SORCS1: variants seen among roughly 807,000 people sequenced by gnomAD.
The protein encoded by SORCS1 is sortilin related VPS10 domain containing receptor 1.
A neutral mutation model predicts 146.1 loss-of-function variants in SORCS1; 60 were observed. That is an observed-to-expected ratio of 0.41 (90% CI 0.33 to 0.51). The LOEUF (loss-of-function observed/expected upper bound fraction) is 0.51, where lower values mean the gene tolerates loss of function less well. Among genes scored for constraint, SORCS1 ranks in the 20% least tolerant of loss-of-function variants. The probability of loss-of-function intolerance (pLI) is 0.21; values close to 1 mark genes in which losing one functional copy is unlikely to be tolerated. For missense variants in SORCS1, 1,352 were observed against 1,487.6 expected, an observed-to-expected ratio of 0.91 and a Z score of 1.50; for synonymous variants, 637 against 584.0, an observed-to-expected ratio of 1.09 and a Z score of -1.31.
At chr10:107,000,641 C>A (rs1464710599) in intron 1 of SORCS1, among the ~76,000 whole-genome samples, 1 of 151,398 alleles carries the variant, frequency 6.6e-6, no homozygotes, top group African/African-American at 2.4e-5. Context: ...TACCTCAAAC[C>A]TGAATTTCTG....
At chr10:106,594,685 G>A (rs1439978147) in intron 24 of SORCS1, among the ~76,000 whole-genome samples, 1 of 152,196 alleles carries the variant, frequency 6.6e-6, no homozygotes, top group Non-Finnish European at 1.5e-5. Context: ...AAAAGGCACT[G>A]TGTTCGGATA....
chr10:107,088,770 G>T (rs117234632), intron 1 of SORCS1, among the ~76,000 whole-genome samples: 1,617 of 152,126 alleles, frequency 0.011, 17 homozygotes, highest in Non-Finnish European at 0.012. Context: ...TAAATGGTAG[G>T]GCCTTAGAAT....
chr10:106,862,103 C>G (rs1403539227), intron 2 of SORCS1, among the ~76,000 whole-genome samples: 1 of 152,160 alleles, frequency 6.6e-6, no homozygotes, highest in Non-Finnish European at 1.5e-5. Flanking sequence ...ACCAGCTGAT[C>G]TCTAGCTTTG....
intron 1 of SORCS1, among the ~76,000 whole-genome samples, chr10:107,010,002 G>A (rs1272906231): frequency 6.6e-6 from 1 of 152,174 alleles, no homozygotes; most frequent in African/African-American, 2.4e-5. Context: ...AATTTGAACT[G>A]TTGAAAAACT....
At chr10:106,831,246 A>G (rs1157088591) in intron 2 of SORCS1, among the ~76,000 whole-genome samples, 1 of 152,124 alleles carries the variant, frequency 6.6e-6, no homozygotes, top group African/African-American at 2.4e-5. Flanking sequence ...ACATAAAATG[A>G]TATAAAATTT....
intron 1 of SORCS1, among the ~76,000 whole-genome samples, chr10:106,966,927 A>T (rs2139145997): frequency 6.6e-6 from 1 of 152,344 alleles, no homozygotes; most frequent in Non-Finnish European, 1.5e-5. Flanking sequence ...AAATAAGCTT[A>T]TAATAAGGTT....
At chr10:106,831,638 A>T (rs904492738) in intron 2 of SORCS1, among the ~76,000 whole-genome samples, 1 of 152,090 alleles carries the variant, frequency 6.6e-6, no homozygotes, top group Non-Finnish European at 1.5e-5. Context: ...TACACAGTGG[A>T]CCAAACACTG....
chr10:107,122,692 G>A (rs530010549), intron 1 of SORCS1, among the ~76,000 whole-genome samples: 122 of 151,908 alleles, frequency 8.0e-4, no homozygotes, highest in Admixed American at 3.0e-3. Context: ...ATCTCCTTAC[G>A]GACTAAAAGC....
chr10:106,953,293 A>G (rs1235732157), intron 2 of SORCS1, among the ~76,000 whole-genome samples: 1 of 152,094 alleles, frequency 6.6e-6, no homozygotes, highest in African/African-American at 2.4e-5. Flanking sequence ...ATGGTGTAGT[A>G]GTTGCATATG....
intron 1 of SORCS1, among the ~76,000 whole-genome samples, chr10:107,088,715 GT>G (rs1963953196): frequency 6.6e-6 from 1 of 152,184 alleles, no homozygotes; most frequent in African/African-American, 2.4e-5. Context: ...CAGTTAGCAT[GT>G]GTCTCCTACT....
intron 1 of SORCS1, among the ~76,000 whole-genome samples, chr10:107,010,935 T>C (rs1957671987): frequency 1.3e-5 from 2 of 152,308 alleles, no homozygotes; most frequent in Middle Eastern, 6.8e-3. Context: ...TTTTTTCACA[T>C]GCTCCACCAG....
chr10:107,064,425 C>G (rs1961544021), intron 1 of SORCS1, among the ~76,000 whole-genome samples: 1 of 152,194 alleles, frequency 6.6e-6, no homozygotes, highest in Admixed American at 6.5e-5. Flanking sequence ...CAAATCCACT[C>G]TAGCTCACAG....
chr10:106,937,260 C>G (rs1953776309), intron 2 of SORCS1, among the ~76,000 whole-genome samples: 2 of 151,582 alleles, frequency 1.3e-5, no homozygotes, highest in Non-Finnish European at 2.9e-5. Context: ...CCCTCCGCCT[C>G]CCAGGTTCAA....
chr10:106,821,189 T>C (rs1299352589), intron 3 of SORCS1, among the ~76,000 whole-genome samples: 4 of 152,222 alleles, frequency 2.6e-5, no homozygotes, highest in Admixed American at 1.3e-4. Flanking sequence ...CACTCAGTGA[T>C]ATAAAAAACA....
At chr10:107,176,820 T>TTAGTGTTTTTTATATATA in the SORCS1 span, among the ~76,000 whole-genome samples, 2 of 152,122 alleles carry the variant, frequency 1.3e-5, no homozygotes, top group African/African-American at 4.8e-5. Flanking sequence ...ATATTTACCC[T>TTAGTGTTTTTTATATATA]TAGTGTTTTT....
Position 106,882,275 on chromosome 10 carries a change from TAA to T in SORCS1, c.627-52604_627-52603del, listed in dbSNP as rs369105893. On this transcript the variant is annotated intron_variant, in intron 2 of 25. Transcript: ENST00000263054. ...TAACATTAATGATAGCTGATGAGCT[TAA>T]AAAAAAAAAATCACCAAAAAAGTCT... Among the ~76,000 whole-genome samples the T allele has an allele frequency of 8.8e-3, 1,109 of 126,418 alleles. 16 individuals carry two copies. Among genetic ancestry groups the T allele is most frequent in the African/African-American group, 0.045 (1,052 of 23,334 alleles). The allele number at this position is 126,418 out of a possible 152,430, so 82.9% of individuals were successfully genotyped here.
intron 1 of SORCS1, among the ~76,000 whole-genome samples, chr10:107,066,443 A>G (rs912665155): frequency 2.0e-5 from 3 of 152,186 alleles, no homozygotes; most frequent in Non-Finnish European, 2.9e-5. Context: ...AAATCTAGAA[A>G]TATTACTTAG....
intron 1 of SORCS1, among the ~76,000 whole-genome samples, chr10:107,056,217 C>G (rs557037227): frequency 1.3e-5 from 2 of 152,114 alleles, no homozygotes; most frequent in Non-Finnish European, 2.9e-5. Flanking sequence ...CTAGATGAAG[C>G]AATGTACTTT....
intron 1 of SORCS1, among the ~76,000 whole-genome samples, chr10:106,995,237 C>A (rs1443403138): frequency 3.3e-5 from 5 of 151,070 alleles, no homozygotes; most frequent in Non-Finnish European, 5.9e-5. Flanking sequence ...TGGCGTGAAC[C>A]TGGGAGGCAG....
Sources: gnomAD v4.1 joint callset for allele counts (sites outside exome capture counted in the v4.1 genomes callset) on GRCh38, gnomAD v4.1.1 for gene constraint, MANE v1.5 for transcripts, NCBI Gene and HGNC (gene_info 2026-07-23, HGNC 2026-07-21) for gene names.